RRP15: variants seen among roughly 807,000 people sequenced by gnomAD.
RRP15 encodes RRP15-like protein.
RRP15 carries 18 observed loss-of-function variants against 27.1 expected under a neutral mutation model. The observed-to-expected ratio is 0.66, with a 90% confidence interval of 0.46 to 0.98. The LOEUF (loss-of-function observed/expected upper bound fraction) is 0.98. Among genes scored for constraint, RRP15 ranks in the 50% least tolerant of loss-of-function variants. The probability of loss-of-function intolerance (pLI) is 0.00; values close to 1 mark genes in which losing one functional copy is unlikely to be tolerated. For synonymous variants in RRP15, 107 were observed against 109.4 expected (o/e 0.98, Z 0.14); for missense variants, 359 against 337.8 (o/e 1.06, Z -0.49).
intron 4 of RRP15, among the ~76,000 whole-genome samples, chr1:218,327,888 C>CA (rs1656300064): frequency 6.6e-6 from 1 of 152,136 alleles, no homozygotes; most frequent in Admixed American, 6.5e-5. Flanking sequence ...TAGCAGTGAA[C>CA]AAAAACCATC....
chr1:218,285,514 C>A (rs1318238244), intron 1 of RRP15, 59 bp downstream of exon 1: 5 of 1,603,878 alleles, frequency 3.1e-6, no homozygotes, highest in South Asian at 1.1e-5. Context: ...GAGTTCGTGT[C>A]AAGCAGCGCT....
intron 4 of RRP15, among the ~76,000 whole-genome samples, chr1:218,319,168 G>A (rs1435112677): frequency 6.6e-6 from 1 of 151,676 alleles, no homozygotes; most frequent in African/African-American, 2.4e-5. Flanking sequence ...GGGTTCAAGT[G>A]GTTCTCCTAC....
chr1:218,301,826 G>A (rs185767492), intron 1 of RRP15: 1 of 152,528 alleles, frequency 6.6e-6, no homozygotes, highest in East Asian at 1.9e-4. Context: ...AAATATCTGG[G>A]ACAAATCCCT....
At chr1:218,304,144 T>A (rs1382649564) in intron 2 of RRP15, among the ~76,000 whole-genome samples, 1 of 152,204 alleles carries the variant, frequency 6.6e-6, no homozygotes, top group East Asian at 1.9e-4. Context: ...TTACTGTGAT[T>A]AGACACTTTC....
chr1:218,305,335 C>A (rs1655882276), intron 3 of RRP15, among the ~76,000 whole-genome samples: 1 of 152,114 alleles, frequency 6.6e-6, no homozygotes, highest in African/African-American at 2.4e-5. Flanking sequence ...TTGGTAAGAA[C>A]CTATTTCAGA....
chr1:218,287,155 T>C (rs1211389065), intron 1 of RRP15, among the ~76,000 whole-genome samples: 1 of 149,934 alleles, frequency 6.7e-6, no homozygotes, highest in African/African-American at 2.4e-5. Context: ...TTTTTTTTTT[T>C]TTTTTGGTAG....
chr1:218,288,750 CTT>C (rs1255092558), intron 1 of RRP15, among the ~76,000 whole-genome samples: 5 of 152,178 alleles, frequency 3.3e-5, no homozygotes, highest in Non-Finnish European at 7.3e-5. Flanking sequence ...GACAAGGAGA[CTT>C]TGGTATGGAG....
intron 4 of RRP15, among the ~76,000 whole-genome samples, chr1:218,313,540 C>G (rs1656035420): frequency 6.6e-6 from 1 of 152,020 alleles, no homozygotes; most frequent in Non-Finnish European, 1.5e-5. Flanking sequence ...AGTGACTGCT[C>G]CAGGTTATAA....
chr1:218,302,603 G>A, intron 2 of RRP15, 44 bp downstream of exon 2: 1 of 1,582,414 alleles, frequency 6.3e-7, no homozygotes, highest in Non-Finnish European at 8.6e-7. Flanking sequence ...GTTTGTCTAG[G>A]CTAGCTCTTA....
intron 4 of RRP15, among the ~76,000 whole-genome samples, chr1:218,319,123 A>G (rs1331272067): frequency 1.3e-5 from 2 of 151,336 alleles, no homozygotes; most frequent in Non-Finnish European, 2.9e-5. Flanking sequence ...GCAATGGTGC[A>G]ATCTCGGCTC....
intron 4 of RRP15, among the ~76,000 whole-genome samples, chr1:218,326,337 A>G (rs781375565): frequency 2.0e-5 from 3 of 152,210 alleles, no homozygotes; most frequent in African/African-American, 7.2e-5. Context: ...GTGAAATCAA[A>G]TAACAACTGT....
chr1:218,329,898 G>A (rs1656339115), intron 4 of RRP15, among the ~76,000 whole-genome samples: 1 of 151,802 alleles, frequency 6.6e-6, no homozygotes, highest in Non-Finnish European at 1.5e-5. Context: ...TAGCAGTTAG[G>A]TAAGTAATCT....
chr1:218,323,183 C>T (rs1329113933), intron 4 of RRP15, among the ~76,000 whole-genome samples: 1 of 152,214 alleles, frequency 6.6e-6, no homozygotes, highest in African/African-American at 2.4e-5. Flanking sequence ...CTTCTTCTTT[C>T]CTTGTCACCT....
At chr1:218,310,174 T>C (rs888127508) in intron 4 of RRP15, among the ~76,000 whole-genome samples, 7 of 152,262 alleles carry the variant, frequency 4.6e-5, no homozygotes, top group African/African-American at 1.7e-4. Flanking sequence ...CCATAGCTAT[T>C]GTACTCTTTC....
intron 1 of RRP15, among the ~76,000 whole-genome samples, chr1:218,298,713 G>A (rs1005993931): frequency 6.6e-6 from 1 of 152,170 alleles, no homozygotes; most frequent in Admixed American, 6.5e-5. Flanking sequence ...CTAGCCACAT[G>A]TGATTTAAAT....
At chr1:218,319,044 G>C (rs551603134) in intron 4 of RRP15, among the ~76,000 whole-genome samples, 1 of 151,712 alleles carries the variant, frequency 6.6e-6, no homozygotes, top group African/African-American at 2.4e-5. Flanking sequence ...GTCACCTCCA[G>C]TCTCTTCTTT....
At chr1:218,292,768 C>T (rs1655666253) in intron 1 of RRP15, among the ~76,000 whole-genome samples, 1 of 152,206 alleles carries the variant, frequency 6.6e-6, no homozygotes, top group Non-Finnish European at 1.5e-5. Context: ...CTTGTCATTC[C>T]CTAGACGACT....
At chr1:218,305,887 C>T (rs1002923649) in intron 3 of RRP15, among the ~76,000 whole-genome samples, 4 of 152,084 alleles carry the variant, frequency 2.6e-5, no homozygotes, top group Non-Finnish European at 4.4e-5. Flanking sequence ...CGGTTCAAAT[C>T]GTAGTACTGG....
intron 4 of RRP15, among the ~76,000 whole-genome samples, chr1:218,316,038 G>A (rs1656085368): frequency 6.6e-6 from 1 of 152,154 alleles, no homozygotes; most frequent in African/African-American, 2.4e-5. Flanking sequence ...TTTTAAGCCA[G>A]TTTCCCATTG....
Sources: allele counts gnomAD v4.1 joint callset (sites outside exome capture counted in the v4.1 genomes callset), GRCh38; gene constraint gnomAD v4.1.1; transcripts MANE v1.5; gene names NCBI Gene and HGNC (gene_info 2026-07-23, HGNC 2026-07-21).